The following POPDC2 variants were observed in gnomAD, a reference collection of about 807,000 sequenced individuals.
POPDC2 encodes the protein popeye domain-containing protein 2.
In POPDC2, 24 loss-of-function variants were observed where a neutral mutation model predicts 30.5. The ratio of observed to expected loss-of-function variants is 0.79; its 90% CI spans 0.57 to 1.11. The LOEUF is 1.11. POPDC2 is among the 50% of genes least tolerant of loss of function. The pLI is 0.00. For synonymous variants in POPDC2, 185 were observed against 183.3 expected, an observed-to-expected ratio of 1.01 and a Z score of -0.07; for missense variants, 409 against 447.0, an observed-to-expected ratio of 0.91 and a Z score of 0.77.
chr3:119,648,404 C>A lies in POPDC2; in HGVS notation c.865G>T (p.Val289Phe). The change falls in exon 3 of 4, where the codon GTC becomes TTC. Residue 289 changes from valine (V) to phenylalanine (F), a missense_variant. Transcript: ENST00000493094. ...GPESEKGDEE[V>F]CEPAVSPPQA... is the part of the protein sequence containing the mutation. ...GGAGGGGACACAGCTGGCTCACAGA[C>A]TTCCTCATCACCCTTCTCGGACTCT... 1 of 1,614,158 alleles carries A rather than the reference C, an allele frequency of 6.2e-7. No homozygotes were observed. The highest frequency in any genetic ancestry group is 8.5e-7 in the Non-Finnish European group (1 of 1,180,038).
chr3:119,651,381 G>C (rs1202171457), intron 2 of POPDC2, among the ~76,000 whole-genome samples: 1 of 150,456 alleles, frequency 6.6e-6, no homozygotes, highest in Non-Finnish European at 1.5e-5. Flanking sequence ...TTTTAAACTA[G>C]CAGTGATTAT....
chr3:119,659,980 C>A lies in POPDC2; in HGVS notation c.444G>T (p.Val148=), dbSNP rs1195375209. Residue 148 remains valine, a synonymous_variant, in exon 1 of 4, where the codon GTG becomes GTT. Coordinates refer to ENST00000493094, the MANE Select transcript of POPDC2 (RefSeq NM_001369919.2). ...LTLATEQTYA[V]EGETPINRLS... is the part of the protein sequence containing the mutation. ...GGCGGTTGATGGGTGTCTCACCCTC[C>A]ACAGCATAGGTCTGTTCAGTGGCCA... 4 of 1,608,704 alleles carry A rather than the reference C, an allele frequency of 2.5e-6. No individual in the cohort carries two copies. The highest frequency in any genetic ancestry group is 3.4e-6 in the Non-Finnish European group (4 of 1,175,608).
At chr3:119,659,263 T>C (rs1467952576) in intron 1 of POPDC2, among the ~76,000 whole-genome samples, 1 of 152,170 alleles carries the variant, frequency 6.6e-6, no homozygotes, top group Non-Finnish European at 1.5e-5. Flanking sequence ...TCTTCTCCCA[T>C]TGTTGGGCCC....
intron 2 of POPDC2, among the ~76,000 whole-genome samples, chr3:119,652,136 G>A (rs540301260): frequency 6.6e-6 from 1 of 152,236 alleles, no homozygotes; most frequent in African/African-American, 2.4e-5. Context: ...CTTAGGTCCA[G>A]TAAGATAGGA....
chr3:119,643,492 A>G (rs1438764750), intron 3 of POPDC2: 2 of 1,232,202 alleles, frequency 1.6e-6, no homozygotes, highest in African/African-American at 3.0e-5. Context: ...ACTGCTAAAC[A>G]ATTGTACATA....
intron 1 of POPDC2, among the ~76,000 whole-genome samples, chr3:119,659,508 A>G (rs1054992840): frequency 1.3e-5 from 2 of 152,246 alleles, no homozygotes; most frequent in African/African-American, 4.8e-5. Flanking sequence ...GTTGGTGCTT[A>G]GCAAATGTTG....
At chr3:119,642,916 C>G (rs1577165064) in intron 3 of POPDC2, among the ~76,000 whole-genome samples, 1 of 152,136 alleles carries the variant, frequency 6.6e-6, no homozygotes, top group East Asian at 1.9e-4. Flanking sequence ...TCATAAGACT[C>G]CTGACTTTCA....
rs899864010 is a variant in POPDC2, at chr3:119,642,336, A to G, written c.*269T>C. 9 of 612,732 alleles carry G rather than the reference A, an allele frequency of 1.5e-5. No individual in the cohort carries two copies. Among genetic ancestry groups the G allele is most frequent in the Admixed American group, 2.7e-5 (1 of 36,770 alleles). 38.0% of individuals were successfully genotyped at this position (612,732 alleles called of 1,614,324 possible). ...CACTTCAGGTCCTTACTGTAGCGACAGTGTTGGCACCTTCTGTGTCCTCTC... is the reference window on the plus strand; with the variant it reads ...CACTTCAGGTCCTTACTGTAGCGACGGTGTTGGCACCTTCTGTGTCCTCTC... On this transcript the variant is annotated 3_prime_UTR_variant, in exon 4 of 4. Coordinates refer to ENST00000493094, the MANE Select transcript of POPDC2 (RefSeq NM_001369919.2).
At chr3:119,645,745 A>C (rs1215372928) in intron 3 of POPDC2, among the ~76,000 whole-genome samples, 1 of 152,128 alleles carries the variant, frequency 6.6e-6, no homozygotes, top group Non-Finnish European at 1.5e-5. Context: ...ATTGTAGTGA[A>C]ATATCACAGA....
At chr3:119,654,180 A>G (rs2052850343) in intron 2 of POPDC2, among the ~76,000 whole-genome samples, 1 of 152,106 alleles carries the variant, frequency 6.6e-6, no homozygotes, top group African/African-American at 2.4e-5. Flanking sequence ...TGAAGGAGGG[A>G]GAGCTGGAAA....
At chr3:119,644,649 CTGGTGTCAA>C (rs2052725721) in intron 3 of POPDC2, among the ~76,000 whole-genome samples, 1 of 152,132 alleles carries the variant, frequency 6.6e-6, no homozygotes, top group African/African-American at 2.4e-5. Flanking sequence ...GAGACAAGCA[CTGGTGTCAA>C]TGTGATGAGG....
rs748694580 is a variant in POPDC2, at chr3:119,660,059, G to A, written c.365C>T (p.Pro122Leu). 1 of 1,614,198 alleles carries A rather than the reference G, an allele frequency of 6.2e-7. No individual in the cohort carries two copies. The highest frequency in any genetic ancestry group is 1.7e-5 in the Admixed American group (1 of 60,036). Reference sequence around the variant, plus strand: ...AACAATCTCCTTGTATGTCTGTAGGGGCACCTGCAAGGGCAGGCACAGCGT... The same window carrying A: ...AACAATCTCCTTGTATGTCTGTAGGAGCACCTGCAAGGGCAGGCACAGCGT... ...YKTLCLPLQV[P>L]LQTYKEIVHC... The change falls in exon 1 of 4, where the codon CCC (proline) becomes CTC (leucine). Residue 122 changes from proline to leucine, a missense_variant. By Grantham distance (98) the Pro-to-Leu change is moderately conservative. Transcript: ENST00000493094.
intron 2 of POPDC2, among the ~76,000 whole-genome samples, chr3:119,652,580 T>C (rs2052825260): frequency 6.6e-6 from 1 of 152,080 alleles, no homozygotes; most frequent in African/African-American, 2.4e-5. Flanking sequence ...GAGCGTAACT[T>C]AGGGGAGGAC....
At chr3:119,650,645 C>A (rs560944526) in intron 2 of POPDC2, among the ~76,000 whole-genome samples, 1 of 152,308 alleles carries the variant, frequency 6.6e-6, no homozygotes, top group South Asian at 2.1e-4. Context: ...TCTCCAACTC[C>A]TCACCACTAA....
In POPDC2 at chr3:119,655,069, G is replaced by A. The variant is rs1449299845; in HGVS notation, c.492-456C>T. On this transcript the variant is annotated intron_variant, in intron 1 of 3. Coordinates refer to ENST00000493094, the MANE Select transcript of POPDC2 (RefSeq NM_001369919.2). ...TGGCCCGGCGCAGTGGCTCACACCT[G>A]TAATCCCAGCACTTTGGGAGGCTGA... 3.3e-5 allele frequency among the ~76,000 whole-genome samples: 5 copies of A among 152,172 alleles called. No individual in the cohort carries two copies. The South Asian group carries it at 6.2e-4, about 19-fold the overall frequency.
intron 3 of POPDC2, among the ~76,000 whole-genome samples, chr3:119,645,626 A>AATCACATGG (rs2052738041): frequency 6.6e-6 from 1 of 152,122 alleles, no homozygotes; most frequent in African/African-American, 2.4e-5. Flanking sequence ...TCTGCACTGT[A>AATCACATGG]ATCACATGGT....
intron 1 of POPDC2, among the ~76,000 whole-genome samples, chr3:119,658,180 A>G (rs960792361): frequency 6.6e-6 from 1 of 152,102 alleles, no homozygotes; most frequent in South Asian, 2.1e-4. Flanking sequence ...CTCCTTTAAA[A>G]CTAGAGCCCA....
chr3:119,648,450 G>T lies in POPDC2; in HGVS notation c.819C>A (p.Pro273=). Residue 273 remains proline, a synonymous_variant, in exon 3 of 4, where the codon CCC becomes CCA. Transcript: ENST00000493094. ...RLPSLYHVLG[P]TAADAGPESE... ...ACTCTGGTCCAGCATCTGCAGCAGT[G>T]GGACCCAGGACATGGTAGAGGCTGG... 1.2e-6 allele frequency: 2 copies of T among 1,614,152 alleles called. No homozygotes were observed. The highest frequency in any genetic ancestry group is 2.7e-5 in the African/African-American group (2 of 75,024).
chr3:119,645,649 C>T (rs2052738296), intron 3 of POPDC2, among the ~76,000 whole-genome samples: 2 of 151,478 alleles, frequency 1.3e-5, no homozygotes, highest in African/African-American at 2.4e-5. Context: ...GTGATAGATT[C>T]TTCACAGGCA....
Sources: allele counts gnomAD v4.1 joint callset (sites outside exome capture counted in the v4.1 genomes callset), GRCh38; gene constraint gnomAD v4.1.1; transcripts MANE v1.5; gene names NCBI Gene and HGNC (gene_info 2026-07-23, HGNC 2026-07-21).